The following CNTNAP5 variants were observed in gnomAD, a reference collection of about 807,000 sequenced individuals.
CNTNAP5 encodes contactin associated protein family member 5, also known as contactin-associated protein-like 5.
CNTNAP5 carries 72 observed loss-of-function variants against 150.2 expected under a neutral mutation model. The ratio of observed to expected loss-of-function variants is 0.48; its 90% CI spans 0.40 to 0.58. The LOEUF (loss-of-function observed/expected upper bound fraction) is 0.58, where lower values mean the gene tolerates loss of function less well. Among genes scored for constraint, CNTNAP5 ranks in the 20% least tolerant of loss-of-function variants. The pLI, the probability that CNTNAP5 is intolerant of heterozygous loss-of-function variation, is 0.00. For missense variants in CNTNAP5, 1,636 were observed against 1,626.2 expected, an observed-to-expected ratio of 1.01 and a Z score of -0.10; for synonymous variants, 672 against 619.8, an observed-to-expected ratio of 1.08 and a Z score of -1.25.
chr2:124,422,760 C>T (rs921667340), intron 4 of CNTNAP5, among the ~76,000 whole-genome samples: 5 of 152,186 alleles, frequency 3.3e-5, no homozygotes, highest in African/African-American at 1.2e-4. Context: ...GCTTCCAATC[C>T]TCTATCCCTT....
chr2:124,034,255 G>A (rs1681147089), intron 1 of CNTNAP5, among the ~76,000 whole-genome samples: 1 of 152,150 alleles, frequency 6.6e-6, no homozygotes, highest in East Asian at 1.9e-4. Flanking sequence ...TACATATAAT[G>A]TGGACATCCA....
intron 3 of CNTNAP5, among the ~76,000 whole-genome samples, chr2:124,387,203 G>A (rs1430787482): frequency 6.6e-6 from 1 of 152,222 alleles, no homozygotes. Context: ...GCCTGATAAA[G>A]ATGAGTACAG....
At chr2:124,470,808 C>A (rs1693493760) in intron 6 of CNTNAP5, among the ~76,000 whole-genome samples, 1 of 152,068 alleles carries the variant, frequency 6.6e-6, no homozygotes, top group Admixed American at 6.6e-5. Flanking sequence ...ATCCCAGCAC[C>A]ATTTATTAAA....
intron 5 of CNTNAP5, among the ~76,000 whole-genome samples, chr2:124,439,245 T>C (rs1692615858): frequency 6.6e-6 from 1 of 152,058 alleles, no homozygotes; most frequent in South Asian, 2.1e-4. Flanking sequence ...ATGCATCACA[T>C]TTTTCATAAA....
intron 4 of CNTNAP5, among the ~76,000 whole-genome samples, chr2:124,432,614 A>G (rs1159541358): frequency 6.6e-6 from 1 of 152,018 alleles, no homozygotes; most frequent in Non-Finnish European, 1.5e-5. Context: ...CACAATTTCT[A>G]CTCCACAGTC....
At chr2:124,730,512 C>G (rs911213007) in intron 13 of CNTNAP5, among the ~76,000 whole-genome samples, 2 of 151,980 alleles carry the variant, frequency 1.3e-5, no homozygotes, top group African/African-American at 4.8e-5. Context: ...TTCTTCTCTA[C>G]CTTTTATGAT....
intron 3 of CNTNAP5, among the ~76,000 whole-genome samples, chr2:124,296,775 A>G (rs1047678404): frequency 7.9e-5 from 12 of 152,324 alleles, no homozygotes; most frequent in Admixed American, 1.3e-4. Context: ...CCCTCTCCCC[A>G]TAAATGTATA....
chr2:124,270,397 C>CCA (rs1424908680), intron 3 of CNTNAP5, among the ~76,000 whole-genome samples: 1 of 152,144 alleles, frequency 6.6e-6, no homozygotes, highest in Non-Finnish European at 1.5e-5. Context: ...TGCATAAAGG[C>CCA]CATAGGCCCA....
At chr2:124,547,517 T>G (rs751443969) in intron 10 of CNTNAP5, among the ~76,000 whole-genome samples, 12 of 152,140 alleles carry the variant, frequency 7.9e-5, no homozygotes, top group Non-Finnish European at 1.5e-4. Context: ...TATTCCTGTG[T>G]GAGGCCCTTT....
intron 13 of CNTNAP5, among the ~76,000 whole-genome samples, chr2:124,744,681 C>A (rs1250170104): frequency 6.6e-6 from 1 of 152,112 alleles, no homozygotes; most frequent in Admixed American, 6.5e-5. Context: ...TTTGTTCCTT[C>A]ACTTTTGAAA....
chr2:124,769,291 T>C (rs1681137775), intron 16 of CNTNAP5, among the ~76,000 whole-genome samples: 1 of 152,282 alleles, frequency 6.6e-6, no homozygotes, highest in East Asian at 1.9e-4. Context: ...ACATGCCCTT[T>C]CTTTTTTTTA....
intron 3 of CNTNAP5, among the ~76,000 whole-genome samples, chr2:124,372,091 G>A (rs1690542429): frequency 6.6e-6 from 1 of 151,982 alleles, no homozygotes; most frequent in Non-Finnish European, 1.5e-5. Flanking sequence ...CTAACAGAAA[G>A]CAAGTAGAAG....
chr2:124,615,852 G>C (rs150999987), intron 12 of CNTNAP5, among the ~76,000 whole-genome samples: 1 of 152,268 alleles, frequency 6.6e-6, no homozygotes, highest in East Asian at 1.9e-4. Flanking sequence ...GTGATAGCAG[G>C]CAGGAAAACA....
At chr2:124,366,097 T>C (rs1454077089) in intron 3 of CNTNAP5, among the ~76,000 whole-genome samples, 1 of 152,186 alleles carries the variant, frequency 6.6e-6, no homozygotes, top group African/African-American at 2.4e-5. Context: ...ACAGGTAGGG[T>C]GAGACCACAC....
intron 19 of CNTNAP5, among the ~76,000 whole-genome samples, chr2:124,861,148 C>A (rs1437476433): frequency 1.3e-5 from 2 of 151,940 alleles, no homozygotes; most frequent in Non-Finnish European, 2.9e-5. Context: ...GAAAAGGGAT[C>A]TTATCAGGGT....
At chr2:124,051,128 C>A (rs80179377) in intron 1 of CNTNAP5, among the ~76,000 whole-genome samples, 11,570 of 151,986 alleles carry the variant, frequency 0.076, 588 homozygotes, top group Non-Finnish European at 0.12. Context: ...GATCTTCCAG[C>A]CTATTTGAAC....
intron 13 of CNTNAP5, among the ~76,000 whole-genome samples, chr2:124,700,589 T>C (rs1200336262): frequency 1.3e-5 from 2 of 152,106 alleles, no homozygotes; most frequent in African/African-American, 4.8e-5. Flanking sequence ...TTGATTTGCA[T>C]TTTCCTCCTC....
chr2:124,529,057 TG>T (rs765829756), intron 10 of CNTNAP5, among the ~76,000 whole-genome samples: 207 of 150,906 alleles, frequency 1.4e-3, no homozygotes, highest in Admixed American at 4.3e-3. Flanking sequence ...TCTTCTGCTT[TG>T]TTTTTTTTTT....
chr2:124,416,092 T>C (rs1158998783), intron 3 of CNTNAP5, among the ~76,000 whole-genome samples: 6 of 152,130 alleles, frequency 3.9e-5, no homozygotes, highest in Non-Finnish European at 5.9e-5. Flanking sequence ...ATTAATTACA[T>C]TTCAGGGAGG....
Sources: gnomAD v4.1 joint callset for allele counts (sites outside exome capture counted in the v4.1 genomes callset) on GRCh38, gnomAD v4.1.1 for gene constraint, MANE v1.5 for transcripts, NCBI Gene and HGNC (gene_info 2026-07-23, HGNC 2026-07-21) for gene names.